Variants in LAMA1 observed in about 807,000 individuals in gnomAD.
LAMA1 encodes the protein laminin subunit alpha 1.
A neutral mutation model predicts 348.7 loss-of-function variants in LAMA1; 219 were observed. That is an observed-to-expected ratio of 0.63 (90% CI 0.56 to 0.70). The LOEUF (loss-of-function observed/expected upper bound fraction) is 0.70. Ranked by LOEUF, LAMA1 falls within the 30% of genes least tolerant of loss-of-function variation. The pLI is 0.00. For synonymous variants in LAMA1, 1,487 were observed against 1,491.0 expected, an observed-to-expected ratio of 1.00 and a Z score of 0.06; for missense variants, 3,744 against 3,888.0, an observed-to-expected ratio of 0.96 and a Z score of 0.99.
At chr18:7,040,279 G>GA (rs773991613) in intron 9 of LAMA1, 43 bp from the exon 10 acceptor site, 11 of 1,607,314 alleles carry the variant, frequency 6.8e-6, no homozygotes, top group Admixed American at 3.3e-5. Context: ...GAAGGCAAAA[G>GA]AGGTTTAAAG....
chr18:7,036,200 C>T, intron 12 of LAMA1, 112 bp from the exon 13 acceptor site: 1 of 752,030 alleles, frequency 1.3e-6, no homozygotes, highest in Non-Finnish European at 2.4e-6. Context: ...CTACAACTAT[C>T]CCCTTGACCA....
rs146410687 is a variant in LAMA1 at position 7,037,674 on chromosome 18, G to A, written c.1641C>T (p.Gly547=). The change falls in exon 12 of 63, where the codon GGC becomes GGT. Residue 547 remains glycine (G), a synonymous_variant. Transcript: ENST00000389658. ...RKIPSQQDAL[G]GRHQVSINNT... ...TGTTGATGCTGACCTGATGGCGCCC[G>A]CCTAGTGCATCTTGCTGAGACGGGA... 81 of 1,614,150 alleles carry A rather than the reference G, an allele frequency of 5.0e-5. No homozygotes were observed. The African/African-American group carries it at 7.9e-4, about 16-fold the overall frequency.
rs1405878905 is a variant in LAMA1, at chr18:7,034,535, A to G, written c.1995T>C (p.Asn665=). The G allele has an allele frequency of 6.2e-7, 1 of 1,614,048 alleles. No individual in the cohort carries two copies. Among genetic ancestry groups the G allele is most frequent in the African/African-American group, 1.3e-5 (1 of 74,926 alleles). The change falls in exon 14 of 63, where the codon AAT becomes AAC. Residue 665 remains asparagine, a synonymous_variant. Coordinates refer to ENST00000389658, the MANE Select transcript of LAMA1 (RefSeq NM_005559.4). ...DRDQLMTVLA[N]VTHLLIRANY... ...TGGCTCTGATCAAAAGATGTGTCAC[A>G]TTGGCAAGGACAGTCATCAGCTGGT...
chr18:6,995,716 G>A (rs931399526), intron 33 of LAMA1, among the ~76,000 whole-genome samples: 3 of 152,054 alleles, frequency 2.0e-5, no homozygotes, highest in Non-Finnish European at 2.9e-5. Flanking sequence ...GCAATTCTCA[G>A]ATAAAAGTCT....
At chr18:7,085,757 T>C (rs963614590) in intron 1 of LAMA1, among the ~76,000 whole-genome samples, 2 of 152,126 alleles carry the variant, frequency 1.3e-5, no homozygotes, top group East Asian at 3.9e-4. Flanking sequence ...CAAGTGAACA[T>C]CTATAATTTG....
chr18:7,069,821 G>A (rs1047001325), intron 3 of LAMA1, among the ~76,000 whole-genome samples: 4 of 149,964 alleles, frequency 2.7e-5, no homozygotes, highest in Non-Finnish European at 5.9e-5. Flanking sequence ...AGCTGCCCCA[G>A]AGAACCTCTC....
intron 42 of LAMA1, among the ~76,000 whole-genome samples, chr18:6,979,809 G>A (rs997628609): frequency 1.3e-5 from 2 of 152,000 alleles, no homozygotes; most frequent in African/African-American, 2.4e-5. Flanking sequence ...TGAGGCAGGA[G>A]AATGGTGTGA....
intron 3 of LAMA1, among the ~76,000 whole-genome samples, chr18:7,070,791 A>G (rs1360586810): frequency 6.6e-6 from 1 of 151,928 alleles, no homozygotes; most frequent in Non-Finnish European, 1.5e-5. Flanking sequence ...CTAAAAGACT[A>G]TTATACATTT....
chr18:6,980,407 C>T (rs1312776755), intron 42 of LAMA1, 114 bp downstream of exon 42: 3 of 764,614 alleles, frequency 3.9e-6, no homozygotes, highest in South Asian at 1.5e-5. Flanking sequence ...CAATCTTAGT[C>T]TCATTTTTGA....
In LAMA1 at chr18:6,950,775, A is replaced by T; in HGVS notation, c.8397+7T>A. 1 of 1,613,900 alleles carries T rather than the reference A, an allele frequency of 6.2e-7. No individual in the cohort carries two copies. Among genetic ancestry groups the T allele is most frequent in the East Asian group, 2.2e-5 (1 of 44,862 alleles). On this transcript the variant is annotated splice_region_variant and intron_variant, in intron 58 of 62. Transcript: ENST00000389658. Reference sequence around the variant, plus strand: ...AAGCAGCCACCACAAGCCTCCTGAGATCGTACCGTGTGCCACTTGCCATCA... The same window carrying T: ...AAGCAGCCACCACAAGCCTCCTGAGTTCGTACCGTGTGCCACTTGCCATCA...
intron 1 of LAMA1, among the ~76,000 whole-genome samples, chr18:7,100,831 G>A (rs960312236): frequency 6.6e-6 from 1 of 152,088 alleles, no homozygotes; most frequent in Non-Finnish European, 1.5e-5. Flanking sequence ...CCAATGTAGT[G>A]AAACCCTACC....
At chr18:6,967,924 G>A (rs562267870) in intron 48 of LAMA1, among the ~76,000 whole-genome samples, 1 of 151,972 alleles carries the variant, frequency 6.6e-6, no homozygotes, top group East Asian at 1.9e-4. Flanking sequence ...CTGGAGTGAG[G>A]TGGCCACGAA....
chr18:7,012,546 C>T (rs564025576), intron 23 of LAMA1, among the ~76,000 whole-genome samples: 2 of 149,888 alleles, frequency 1.3e-5, no homozygotes, highest in Non-Finnish European at 3.0e-5. Context: ...CGCTCTGTCA[C>T]CCAGGCTGGA....
intron 3 of LAMA1, among the ~76,000 whole-genome samples, chr18:7,068,422 G>A (rs1006331795): frequency 6.6e-5 from 10 of 152,130 alleles, no homozygotes; most frequent in Admixed American, 2.0e-4. Flanking sequence ...CTTGTTCATC[G>A]ATGAATCCTG....
At chr18:6,968,351 C>T (rs778586725) in intron 48 of LAMA1, among the ~76,000 whole-genome samples, 5 of 152,176 alleles carry the variant, frequency 3.3e-5, no homozygotes, top group East Asian at 3.9e-4. Flanking sequence ...GCCCTGCTGC[C>T]GTCATGCGAG....
At position 7,043,191 on chromosome 18, in the gene LAMA1, T is replaced by G. The variant is rs192475471; in HGVS notation, c.1155+36A>C. ...AAGTCTCTTTTCCACCTGGGGAAGATGATGAAGATCAGCAATGGCAAAGAA... is the reference window on the plus strand; with the variant it reads ...AAGTCTCTTTTCCACCTGGGGAAGAGGATGAAGATCAGCAATGGCAAAGAA... On this transcript the variant is annotated intron_variant, in intron 8 of 62. Transcript: ENST00000389658. 7.2e-5 allele frequency: 115 copies of G among 1,606,874 alleles called. 1 individual carries two copies. The Admixed American group carries it at 1.4e-3, about 19-fold the overall frequency.
chr18:7,057,466 CTTTTCTTTTTT>C lies in LAMA1; in HGVS notation c.346-6541_346-6531del, dbSNP rs1239850438. Among the ~76,000 whole-genome samples the C allele has an allele frequency of 1.7e-3, 216 of 125,564 alleles. 1 individual carries two copies. The highest frequency in any genetic ancestry group is 6.6e-3 in the African/African-American group (212 of 32,094). 82.4% of individuals were successfully genotyped at this position (125,564 alleles called of 152,430 possible). A position where few individuals can be genotyped will look rare whatever the true frequency, so the allele number is the denominator to read the frequency against. Reference sequence around the variant, plus strand: ...GTCATTTCTTTCTTTCTTTTCTTTTCTTTTCTTTTTTTTTTTTTTTTTTTTTGAGATAGGAT... The same window carrying C: ...GTCATTTCTTTCTTTCTTTTCTTTTCTTTTTTTTTTTTTTTGAGATAGGAT... On this transcript the variant is annotated intron_variant, in intron 3 of 62. Transcript: ENST00000389658.
At chr18:7,108,742 C>T (rs1222836731) in intron 1 of LAMA1, among the ~76,000 whole-genome samples, 1 of 151,184 alleles carries the variant, frequency 6.6e-6, no homozygotes, top group Non-Finnish European at 1.5e-5. Flanking sequence ...CTCCAGTTCT[C>T]CCCACTCCAA....
chr18:7,000,103 A>T (rs1600384018), intron 30 of LAMA1, 106 bp from the exon 31 acceptor site: 3 of 825,746 alleles, frequency 3.6e-6, no homozygotes, highest in Admixed American at 2.1e-5. Context: ...TCTCAAAGTT[A>T]TGTGATTACA....
Sources: gnomAD v4.1 joint callset for allele counts (sites outside exome capture counted in the v4.1 genomes callset) on GRCh38, gnomAD v4.1.1 for gene constraint, MANE v1.5 for transcripts, NCBI Gene and HGNC (gene_info 2026-07-23, HGNC 2026-07-21) for gene names.